Variants in LRRC8C observed in about 807,000 individuals in gnomAD.
LRRC8C encodes the protein leucine rich repeat containing 8 VRAC subunit C, also known as volume-regulated anion channel subunit LRRC8C.
Under a neutral mutation model 55.3 loss-of-function variants are expected in LRRC8C, and 20 were observed. The observed-to-expected ratio is 0.36, with a 90% CI of 0.25 to 0.53. The LOEUF (loss-of-function observed/expected upper bound fraction) is 0.53. LRRC8C is among the 20% of genes least tolerant of loss of function. The probability of loss-of-function intolerance (pLI) is 0.92; values close to 1 mark genes in which losing one functional copy is unlikely to be tolerated. For missense variants in LRRC8C, 659 were observed against 951.4 expected, an observed-to-expected ratio of 0.69 and a Z score of 4.04; for synonymous variants, 376 against 360.7, an observed-to-expected ratio of 1.04 and a Z score of -0.48.
chr1:89,670,573 A>G (rs966810832), intron 1 of LRRC8C, among the ~76,000 whole-genome samples: 5 of 152,214 alleles, frequency 3.3e-5, no homozygotes, highest in Admixed American at 1.3e-4. Flanking sequence ...AAGATTGGAA[A>G]AGAGCTGTGG....
At chr1:89,619,364 A>G in the LRRC8C span, among the ~76,000 whole-genome samples, 4 of 151,454 alleles carry the variant, frequency 2.6e-5, no homozygotes, top group African/African-American at 9.7e-5. Flanking sequence ...AAATGTAGAA[A>G]CATTTTAAGT....
At chr1:89,706,574 G>A (rs1292206685) in intron 2 of LRRC8C, among the ~76,000 whole-genome samples, 1 of 152,116 alleles carries the variant, frequency 6.6e-6, no homozygotes, top group East Asian at 1.9e-4. Flanking sequence ...TAAAAGGCCC[G>A]AATTTCACGT....
chr1:89,685,430 C>G (rs1253816253), intron 1 of LRRC8C, among the ~76,000 whole-genome samples: 1 of 152,160 alleles, frequency 6.6e-6, no homozygotes, highest in Non-Finnish European at 1.5e-5. Context: ...CTATCTAGTT[C>G]TTAATTCAGT....
chr1:89,689,135 G>A (rs186750257), intron 2 of LRRC8C, among the ~76,000 whole-genome samples: 88 of 152,330 alleles, frequency 5.8e-4, no homozygotes, highest in African/African-American at 1.9e-3. Context: ...GTGTATTTCT[G>A]AAGTGATTCT....
chr1:89,682,124 C>T (rs546126355), intron 1 of LRRC8C, among the ~76,000 whole-genome samples: 1 of 152,244 alleles, frequency 6.6e-6, no homozygotes, highest in Admixed American at 6.5e-5. Flanking sequence ...TTGCAGTGAG[C>T]CGAGATCGCG....
intron 1 of LRRC8C, among the ~76,000 whole-genome samples, chr1:89,661,550 G>A (rs564575012): frequency 1.3e-5 from 2 of 152,282 alleles, no homozygotes; most frequent in African/African-American, 4.8e-5. Context: ...TTCTTGATAG[G>A]TTCTGTTTCT....
At chr1:89,676,621 G>A (rs1015835854) in intron 1 of LRRC8C, among the ~76,000 whole-genome samples, 1 of 152,142 alleles carries the variant, frequency 6.6e-6, no homozygotes, top group Non-Finnish European at 1.5e-5. Context: ...GTCGATTTTA[G>A]TGTAACCAAT....
chr1:89,686,352 T>C (rs1657882935), intron 1 of LRRC8C, 118 bp from the exon 2 acceptor site: 1 of 1,014,756 alleles, frequency 9.9e-7, no homozygotes, highest in South Asian at 1.6e-5. Context: ...TGATGTGTCT[T>C]GACAGCTCTT....
At chr1:89,629,656 A>G (rs1285888553), upstream of LRRC8C, 2 of 152,244 alleles carry the variant, frequency 1.3e-5, no homozygotes, top group Non-Finnish European at 2.9e-5. Flanking sequence ...TCAATATTTA[A>G]TATCAGGTCC....
At chr1:89,677,650 T>C (rs1351327138) in intron 1 of LRRC8C, among the ~76,000 whole-genome samples, 1 of 152,230 alleles carries the variant, frequency 6.6e-6, no homozygotes, top group African/African-American at 2.4e-5. Flanking sequence ...TAATCTCTCT[T>C]GGCTCAGGAT....
chr1:89,662,933 G>A (rs141047347), intron 1 of LRRC8C, among the ~76,000 whole-genome samples: 7 of 152,040 alleles, frequency 4.6e-5, no homozygotes, highest in African/African-American at 1.2e-4. Flanking sequence ...TCAACCCGTC[G>A]TCTACATTGG....
chr1:89,624,809 G>A, the LRRC8C span: 1 of 152,164 alleles, frequency 6.6e-6, no homozygotes, highest in African/African-American at 2.4e-5. Flanking sequence ...AAAGGAAATA[G>A]CTCCACGGCC....
intron 1 of LRRC8C, among the ~76,000 whole-genome samples, chr1:89,674,067 G>A (rs1482793630): frequency 6.6e-6 from 1 of 152,198 alleles, no homozygotes; most frequent in Non-Finnish European, 1.5e-5. Context: ...GATCTACATA[G>A]ACTGTTGGCC....
At chr1:89,648,619 G>C (rs1656678740) in intron 1 of LRRC8C, among the ~76,000 whole-genome samples, 1 of 152,216 alleles carries the variant, frequency 6.6e-6, no homozygotes, top group African/African-American at 2.4e-5. Context: ...CCACATATTT[G>C]TTTACAGTAT....
chr1:89,649,813 A>C, intron 1 of LRRC8C, among the ~76,000 whole-genome samples: 1 of 152,198 alleles, frequency 6.6e-6, no homozygotes. Flanking sequence ...CAGACTTGGC[A>C]GAAATTTCCT....
chr1:89,654,209 A>G (rs1656873517), intron 1 of LRRC8C, among the ~76,000 whole-genome samples: 1 of 152,182 alleles, frequency 6.6e-6, no homozygotes, highest in Non-Finnish European at 1.5e-5. Flanking sequence ...AGTAGGAGCT[A>G]AATAATGTGA....
At chr1:89,666,026 A>G (rs1379698145) in intron 1 of LRRC8C, among the ~76,000 whole-genome samples, 1 of 152,208 alleles carries the variant, frequency 6.6e-6, no homozygotes, top group African/African-American at 2.4e-5. Context: ...CCCTATAGCC[A>G]AAGTGCGTAG....
chr1:89,692,357 A>G (rs1192353338), intron 2 of LRRC8C, among the ~76,000 whole-genome samples: 1 of 152,232 alleles, frequency 6.6e-6, no homozygotes, highest in Non-Finnish European at 1.5e-5. Context: ...TAGTAATCCA[A>G]CAGCTTTTAG....
intron 2 of LRRC8C, among the ~76,000 whole-genome samples, chr1:89,702,930 CCAGAGCCCAGCA>C (rs1384369572): frequency 5.9e-5 from 9 of 152,124 alleles, no homozygotes; most frequent in Non-Finnish European, 1.0e-4. Context: ...CTCAGTTTAC[CCAGAGCCCAGCA>C]CAGAGAAAGA....
Sources: allele counts gnomAD v4.1 joint callset (sites outside exome capture counted in the v4.1 genomes callset), GRCh38; gene constraint gnomAD v4.1.1; transcripts MANE v1.5; gene names NCBI Gene and HGNC (gene_info 2026-07-23, HGNC 2026-07-21).